The following SLC5A12 variants were observed in gnomAD, a reference collection of about 807,000 sequenced individuals.
SLC5A12 encodes the protein sodium-coupled monocarboxylate transporter 2.
In SLC5A12, 46 loss-of-function variants were observed where a neutral mutation model predicts 72.7. The observed-to-expected ratio is 0.63, with a 90% confidence interval of 0.50 to 0.81. SLC5A12 has a LOEUF of 0.81. Among genes scored for constraint, SLC5A12 ranks in the 30% least tolerant of loss-of-function variants. The pLI, the probability that SLC5A12 is intolerant of heterozygous loss-of-function variation, is 0.00. For missense variants in SLC5A12, 683 were observed against 740.7 expected (o/e 0.92, Z 0.90); for synonymous variants, 275 against 264.4 (o/e 1.04, Z -0.39).
intron 13 of SLC5A12, among the ~76,000 whole-genome samples, chr11:26,676,922 A>C (rs1375654377): frequency 6.6e-6 from 1 of 152,030 alleles, no homozygotes; most frequent in Non-Finnish European, 1.5e-5. Context: ...TATTAAGACC[A>C]AACAAGACCA....
Position 26,667,466 on chromosome 11 carries a change from A to G in SLC5A12, c.*3636T>C, listed in dbSNP as rs1429516026. The G allele has an allele frequency of 2.0e-5, 3 of 151,990 alleles. No homozygotes were observed. Among genetic ancestry groups the G allele is most frequent in the African/African-American group, 7.2e-5 (3 of 41,430 alleles). 9.4% of individuals were successfully genotyped at this position (151,990 alleles called of 1,614,324 possible). A position where few individuals can be genotyped will look rare whatever the true frequency, so the allele number is the denominator to read the frequency against. The stretch of plus-strand genomic sequence containing the variant: ...TTAGAATGAAATGGTGTAACCCTAT[A>G]AAGCCACAAAATAGTAAAGTTCATT... On this transcript the variant is annotated 3_prime_UTR_variant, in exon 15 of 15. Transcript: ENST00000396005.
intron 14 of SLC5A12, 97 bp from the exon 15 acceptor site, chr11:26,671,348 A>G (rs1351927551): frequency 2.0e-6 from 2 of 1,019,300 alleles, no homozygotes; most frequent in African/African-American, 3.3e-5. Flanking sequence ...TCAAAAAATT[A>G]TATATATGTA....
chr11:26,712,741 G>T, intron 1 of SLC5A12, 35 bp from the exon 2 acceptor site: 1 of 1,516,066 alleles, frequency 6.6e-7, no homozygotes, highest in South Asian at 1.2e-5. Flanking sequence ...GAGTCAGTGA[G>T]GTTTAGATAA....
At chr11:26,704,985 A>C (rs747247851) in intron 4 of SLC5A12, among the ~76,000 whole-genome samples, 11 of 152,114 alleles carry the variant, frequency 7.2e-5, no homozygotes, top group Admixed American at 5.9e-4. Context: ...GAGTTCCAGG[A>C]GGATGAATCT....
At chr11:26,713,461 A>T (rs141512274) in intron 1 of SLC5A12, among the ~76,000 whole-genome samples, 101 of 152,260 alleles carry the variant, frequency 6.6e-4, no homozygotes, top group African/African-American at 2.4e-3. Flanking sequence ...AATAGATGGA[A>T]GGAAAAGTAA....
chr11:26,685,805 T>C (rs1467466611), intron 10 of SLC5A12, among the ~76,000 whole-genome samples: 2 of 152,090 alleles, frequency 1.3e-5, no homozygotes, highest in Non-Finnish European at 2.9e-5. Flanking sequence ...GAACAGGGTA[T>C]TTTCACTTTT....
chr11:26,717,731 T>C (rs1472410316), intron 1 of SLC5A12, among the ~76,000 whole-genome samples: 1 of 152,188 alleles, frequency 6.6e-6, no homozygotes, highest in Non-Finnish European at 1.5e-5. Flanking sequence ...GTGATCTCTC[T>C]GGTTTCATCA....
chr11:26,684,812 G>A (rs778247296), intron 10 of SLC5A12, among the ~76,000 whole-genome samples: 1 of 152,182 alleles, frequency 6.6e-6, no homozygotes, highest in Non-Finnish European at 1.5e-5. Context: ...CAAATCACCA[G>A]TTGGACATGA....
intron 9 of SLC5A12, among the ~76,000 whole-genome samples, chr11:26,691,259 T>A (rs1055170153): frequency 6.6e-5 from 10 of 152,062 alleles, no homozygotes; most frequent in Non-Finnish European, 1.3e-4. Flanking sequence ...TTGGGCAATT[T>A]AAAAAAATAC....
intron 3 of SLC5A12, among the ~76,000 whole-genome samples, chr11:26,710,043 G>C (rs1002830927): frequency 6.6e-6 from 1 of 152,026 alleles, no homozygotes; most frequent in Admixed American, 6.6e-5. Context: ...CAGGCCTCCA[G>C]TGTGTGCTGT....
intron 6 of SLC5A12, among the ~76,000 whole-genome samples, chr11:26,700,655 A>G (rs1854937571): frequency 6.6e-6 from 1 of 152,184 alleles, no homozygotes. Flanking sequence ...ACCCTGCATC[A>G]ACTCCTTCTA....
chr11:26,699,697 C>T (rs1854913275), intron 6 of SLC5A12, among the ~76,000 whole-genome samples: 1 of 152,086 alleles, frequency 6.6e-6, no homozygotes, highest in African/African-American at 2.4e-5. Flanking sequence ...TCTATTCAAG[C>T]CTTTGCTCTG....
intron 6 of SLC5A12, among the ~76,000 whole-genome samples, chr11:26,701,245 C>A (rs1480798932): frequency 1.3e-5 from 2 of 152,162 alleles, no homozygotes; most frequent in African/African-American, 4.8e-5. Context: ...ATTTTATTAA[C>A]CCTATCACCT....
intron 7 of SLC5A12, among the ~76,000 whole-genome samples, chr11:26,698,117 C>T (rs534003082): frequency 2.0e-5 from 3 of 152,030 alleles, no homozygotes; most frequent in East Asian, 1.9e-4. Context: ...AGACTGGTCT[C>T]GAACTCCTGA....
chr11:26,680,628 A>G (rs1474487309), intron 12 of SLC5A12, among the ~76,000 whole-genome samples: 1 of 151,918 alleles, frequency 6.6e-6, no homozygotes, highest in Non-Finnish European at 1.5e-5. Flanking sequence ...ATCCTTTGTT[A>G]AACCCTGTGT....
chr11:26,711,759 T>C (rs1324261374), intron 2 of SLC5A12, among the ~76,000 whole-genome samples: 4 of 152,088 alleles, frequency 2.6e-5, no homozygotes, highest in African/African-American at 9.7e-5. Flanking sequence ...TTTAGCAGTT[T>C]GCTGAAATAT....
In SLC5A12 at chr11:26,712,054, TAAG is replaced by T. The variant is rs1855242300; in HGVS notation, c.405+584_405+586del. Among the ~76,000 whole-genome samples, 4 of 152,158 alleles carry T rather than the reference TAAG, an allele frequency of 2.6e-5. No individual in the cohort carries two copies. The South Asian group carries it at 8.3e-4, about 32-fold the overall frequency. On this transcript the variant is annotated intron_variant, in intron 2 of 14. Coordinates refer to ENST00000396005, the MANE Select transcript of SLC5A12 (RefSeq NM_178498.4). ...TCAGTCAGTGTGTGGGAGTTTTGATTAAGAAGAGGGAAGAAGCTTATCTTCTAG... is the reference window on the plus strand; with the variant it reads ...TCAGTCAGTGTGTGGGAGTTTTGATTAAGAGGGAAGAAGCTTATCTTCTAG...
intron 8 of SLC5A12, among the ~76,000 whole-genome samples, chr11:26,693,709 A>G (rs1219660748): frequency 6.6e-6 from 1 of 152,184 alleles, no homozygotes; most frequent in Non-Finnish European, 1.5e-5. Flanking sequence ...TTTTCCATTG[A>G]TATTGATTAA....
chr11:26,723,091 G>A (rs774670893), upstream of SLC5A12, among the ~76,000 whole-genome samples: 1 of 151,616 alleles, frequency 6.6e-6, no homozygotes, highest in African/African-American at 2.4e-5. Flanking sequence ...ATACATTATA[G>A]CCATTGTAGA....
Sources: gnomAD v4.1 joint callset for allele counts (sites outside exome capture counted in the v4.1 genomes callset) on GRCh38, gnomAD v4.1.1 for gene constraint, MANE v1.5 for transcripts, NCBI Gene and HGNC (gene_info 2026-07-23, HGNC 2026-07-21) for gene names.